The following PREX1 variants were observed in gnomAD, a reference collection of about 807,000 sequenced individuals.
PREX1 encodes the protein phosphatidylinositol 3,4,5-trisphosphate-dependent Rac exchanger 1 protein.
A neutral mutation model predicts 198.3 loss-of-function variants in PREX1; 41 were observed. That is an observed-to-expected ratio of 0.21 (90% confidence interval 0.16 to 0.27). The LOEUF is 0.27. PREX1 is among the 10% of genes least tolerant of loss of function. The pLI is 1.00. For missense variants in PREX1, 1,620 were observed against 2,200.7 expected (o/e 0.74, Z 5.28); for synonymous variants, 843 against 887.2 (o/e 0.95, Z 0.89).
intron 7 of PREX1, among the ~76,000 whole-genome samples, chr20:48,699,944 A>G (rs4516495): frequency 0.082 from 12,476 of 152,178 alleles, 564 homozygotes; most frequent in East Asian, 0.18. Context: ...ACATCCGTCC[A>G]CATTCCTTCC....
chr20:48,689,352 A>G (rs1810314653), intron 9 of PREX1, among the ~76,000 whole-genome samples: 1 of 151,984 alleles, frequency 6.6e-6, no homozygotes, highest in South Asian at 2.1e-4. Context: ...CACATGAGAA[A>G]CCCGCAATAA....
At chr20:48,798,743 C>G (rs1017003742) in intron 1 of PREX1, among the ~76,000 whole-genome samples, 23 of 152,190 alleles carry the variant, frequency 1.5e-4, no homozygotes, top group Non-Finnish European at 1.9e-4. Context: ...GGAGCTTTGG[C>G]ATGCAGTAGG....
intron 35 of PREX1, 32 bp downstream of exon 35, chr20:48,632,245 T>A: frequency 6.2e-7 from 1 of 1,605,624 alleles, no homozygotes; most frequent in South Asian, 1.1e-5. Flanking sequence ...GTTTCCTGAC[T>A]CCTGCCCCCA....
At chr20:48,839,621 C>G in the PREX1 span, among the ~76,000 whole-genome samples, 2 of 152,186 alleles carry the variant, frequency 1.3e-5, no homozygotes, top group African/African-American at 4.8e-5. Context: ...GCTACCTGGT[C>G]CATGCTTGTG....
intron 15 of PREX1, among the ~76,000 whole-genome samples, chr20:48,664,872 C>A (rs1332603286): frequency 7.1e-5 from 10 of 141,032 alleles, no homozygotes; most frequent in African/African-American, 2.6e-4. Flanking sequence ...ATTCTAATCC[C>A]GGCTCCAGAC....
chr20:48,870,863 A>G, the PREX1 span, among the ~76,000 whole-genome samples: 2 of 94,904 alleles, frequency 2.1e-5, no homozygotes, highest in African/African-American at 8.7e-5. Flanking sequence ...AAGCATGATA[A>G]TCACTTGAAC....
the PREX1 span, among the ~76,000 whole-genome samples, chr20:48,854,604 C>A: frequency 6.6e-6 from 1 of 152,150 alleles, no homozygotes; most frequent in African/African-American, 2.4e-5. Context: ...TAAGCACTTA[C>A]CACATGCCAA....
At chr20:48,851,981 A>T in the PREX1 span, among the ~76,000 whole-genome samples, 1 of 152,140 alleles carries the variant, frequency 6.6e-6, no homozygotes, top group African/African-American at 2.4e-5. Context: ...CGAGAATTCC[A>T]TAAGCCACAA....
Position 48,746,989 on chromosome 20 carries a change from CACACACACACACACACACACA to C in PREX1, c.291+799_291+819del, listed in dbSNP as rs1452689982. Among the ~76,000 whole-genome samples the C allele has an allele frequency of 2.2e-4, 29 of 134,068 alleles. 1 individual carries two copies. Among genetic ancestry groups the C allele is most frequent in the Admixed American group, 1.1e-3 (15 of 13,738 alleles). The allele number at this position is 134,068 out of a possible 152,430, so 88.0% of individuals were successfully genotyped here. ...ACACACACACACACACACACACACA[CACACACACACACACACACACA>C]CCCCACCCCCAGGAGGAGCCATGCA... On this transcript the variant is annotated intron_variant, in intron 2 of 39. Transcript: ENST00000371941.
the PREX1 span, among the ~76,000 whole-genome samples, chr20:48,837,389 T>C: frequency 6.6e-6 from 1 of 152,202 alleles, no homozygotes; most frequent in African/African-American, 2.4e-5. Context: ...ATTTCAGCAC[T>C]GTTCACAATA....
At chr20:48,634,457 G>C (rs1173784754) in intron 33 of PREX1, among the ~76,000 whole-genome samples, 1 of 152,198 alleles carries the variant, frequency 6.6e-6, no homozygotes, top group African/African-American at 2.4e-5. Flanking sequence ...GTTGGAAATA[G>C]CCGGGTTCAT....
intron 15 of PREX1, among the ~76,000 whole-genome samples, chr20:48,663,065 C>T (rs2089608873): frequency 6.6e-6 from 1 of 152,166 alleles, no homozygotes; most frequent in Non-Finnish European, 1.5e-5. Flanking sequence ...ATGAAAATGC[C>T]CTCAGCTGTC....
intron 5 of PREX1, among the ~76,000 whole-genome samples, chr20:48,715,353 A>C (rs1359353015): frequency 6.6e-6 from 1 of 152,192 alleles, no homozygotes; most frequent in East Asian, 1.9e-4. Context: ...CTACCTTGTA[A>C]GGTAGTAAGT....
At chr20:48,872,016 G>A in the PREX1 span, among the ~76,000 whole-genome samples, 5 of 152,062 alleles carry the variant, frequency 3.3e-5, no homozygotes, top group South Asian at 6.2e-4. Context: ...AAAACTAGCC[G>A]GGCGTGGTGG....
rs41305817 is a variant in PREX1, at chr20:48,666,536, A to T, written c.1666-181T>A. Among the ~76,000 whole-genome samples the T allele has an allele frequency of 1.0e-2, 1,464 of 146,948 alleles. 17 individuals carry two copies. The highest frequency in any genetic ancestry group is 0.017 in the Non-Finnish European group (1,101 of 66,054). On this transcript the variant is annotated intron_variant, in intron 14 of 39. Coordinates refer to ENST00000371941, the MANE Select transcript of PREX1 (RefSeq NM_020820.4). The surrounding 1 kb of genome is among the most constrained non-coding windows in gnomAD (Gnocchi z 4.3). ...ATTATTATTTTTTATTATTATTATT[A>T]TTTTTTTGAGACAGAGTCTCACTCT...
At chr20:48,838,693 G>A in the PREX1 span, among the ~76,000 whole-genome samples, 1 of 152,140 alleles carries the variant, frequency 6.6e-6, no homozygotes, top group Non-Finnish European at 1.5e-5. Context: ...TGCAGACTGT[G>A]ATCCCAATAT....
chr20:48,841,093 T>G, the PREX1 span, among the ~76,000 whole-genome samples: 1 of 151,998 alleles, frequency 6.6e-6, no homozygotes, highest in Admixed American at 6.6e-5. Context: ...CCAGCTAATT[T>G]CATGTTTTGC....
At chr20:48,797,771 C>T (rs1029998450) in intron 1 of PREX1, among the ~76,000 whole-genome samples, 3 of 152,226 alleles carry the variant, frequency 2.0e-5, no homozygotes, top group Non-Finnish European at 4.4e-5. Flanking sequence ...CCGACTTTCC[C>T]GGCCAGCGGC....
At chr20:48,775,898 T>C (rs1242141371) in intron 1 of PREX1, among the ~76,000 whole-genome samples, 1 of 152,100 alleles carries the variant, frequency 6.6e-6, no homozygotes, top group African/African-American at 2.4e-5. Flanking sequence ...ATCAGCAGTA[T>C]GAAAATGGAC....
Sources: allele counts gnomAD v4.1 joint callset (sites outside exome capture counted in the v4.1 genomes callset), GRCh38; gene constraint gnomAD v4.1.1; non-coding constraint Gnocchi (gnomAD v3.1); transcripts MANE v1.5; gene names NCBI Gene and HGNC (gene_info 2026-07-23, HGNC 2026-07-21).